Variants in MDGA2 observed in about 807,000 individuals in gnomAD.
MDGA2 encodes MAM domain-containing glycosylphosphatidylinositol anchor protein 2.
A neutral mutation model predicts 117.8 loss-of-function variants in MDGA2; 40 were observed. The ratio of observed to expected loss-of-function variants is 0.34; its 90% CI spans 0.26 to 0.44. The LOEUF is 0.44. Among genes scored for constraint, MDGA2 ranks in the 20% least tolerant of loss-of-function variants. The probability of loss-of-function intolerance (pLI) is 1.00; values close to 1 mark genes in which losing one functional copy is unlikely to be tolerated. For missense variants in MDGA2, 1,123 were observed against 1,250.6 expected (o/e 0.90, Z 1.54); for synonymous variants, 452 against 439.0 (o/e 1.03, Z -0.37).
At chr14:47,094,662 C>T (rs1424573404) in intron 6 of MDGA2, among the ~76,000 whole-genome samples, 1 of 151,974 alleles carries the variant, frequency 6.6e-6, no homozygotes, top group Non-Finnish European at 1.5e-5. Flanking sequence ...TGTTGCAGTA[C>T]TTTAATATTA....
At chr14:46,945,850 A>G (rs1461532131) in intron 9 of MDGA2, among the ~76,000 whole-genome samples, 1 of 152,074 alleles carries the variant, frequency 6.6e-6, no homozygotes, top group African/African-American at 2.4e-5. Context: ...CGTTTGTAGT[A>G]GAAAGGCTGG....
chr14:47,020,586 G>A (rs1016311524), intron 8 of MDGA2, among the ~76,000 whole-genome samples: 1 of 134,130 alleles, frequency 7.5e-6, no homozygotes, highest in Non-Finnish European at 1.7e-5. Context: ...GAGGAAGAGA[G>A]GAAAGAGAGA....
At chr14:46,957,263 G>T (rs1441955424) in intron 9 of MDGA2, 111 bp downstream of exon 9, 40 of 1,076,840 alleles carry the variant, frequency 3.7e-5, no homozygotes, top group Non-Finnish European at 5.1e-5. Flanking sequence ...GAGTCAAGCT[G>T]TTCTATGCTC....
At chr14:47,015,607 C>T (rs1888056548) in intron 8 of MDGA2, among the ~76,000 whole-genome samples, 1 of 151,896 alleles carries the variant, frequency 6.6e-6, no homozygotes, top group South Asian at 2.1e-4. Context: ...TAAGTTGTGC[C>T]AATAATCCAA....
intron 9 of MDGA2, among the ~76,000 whole-genome samples, chr14:46,944,114 C>T (rs1885089303): frequency 6.6e-6 from 1 of 151,930 alleles, no homozygotes. Context: ...TAGCCTTTCC[C>T]TTAAGTATAA....
intron 8 of MDGA2, among the ~76,000 whole-genome samples, chr14:46,982,870 TC>T (rs1433742183): frequency 6.6e-6 from 1 of 152,074 alleles, no homozygotes; most frequent in Admixed American, 6.6e-5. Flanking sequence ...AGAGAGGGCA[TC>T]CGTGTCTTGT....
intron 1 of MDGA2, among the ~76,000 whole-genome samples, chr14:47,390,401 C>T (rs1279879365): frequency 6.6e-6 from 1 of 152,084 alleles, no homozygotes; most frequent in African/African-American, 2.4e-5. Context: ...AGGAGCCTAA[C>T]TTTGGCTGGT....
At chr14:47,263,920 A>G (rs759406362) in intron 2 of MDGA2, among the ~76,000 whole-genome samples, 2 of 152,184 alleles carry the variant, frequency 1.3e-5, no homozygotes, top group Non-Finnish European at 2.9e-5. Context: ...CCAACCTGTG[A>G]CCACACTTAC....
At chr14:47,348,567 A>G (rs1890812170) in intron 1 of MDGA2, among the ~76,000 whole-genome samples, 1 of 152,182 alleles carries the variant, frequency 6.6e-6, no homozygotes, top group Non-Finnish European at 1.5e-5. Context: ...ATTAAATATA[A>G]TTGCTTGAGA....
intron 10 of MDGA2, among the ~76,000 whole-genome samples, chr14:46,909,038 T>C (rs996895211): frequency 2.0e-5 from 3 of 152,178 alleles, no homozygotes; most frequent in African/African-American, 7.2e-5. Flanking sequence ...TTGCATAGCA[T>C]TAATTGCTTT....
In MDGA2 at chr14:47,607,379, C is replaced by A. The variant is rs1429658479; in HGVS notation, c.280+67138G>T. On this transcript the variant is annotated intron_variant, in intron 1 of 16. Coordinates refer to ENST00000399232, the MANE Select transcript of MDGA2 (RefSeq NM_001113498.3). Reference sequence around the variant, plus strand: ...ACCTTGTTCATCCACTTATTTTTCACCTTTCTTGAATTTTACTGCAGCTAA... The same window carrying A: ...ACCTTGTTCATCCACTTATTTTTCAACTTTCTTGAATTTTACTGCAGCTAA... Among the ~76,000 whole-genome samples, 2 of 152,068 alleles carry A rather than the reference C, an allele frequency of 1.3e-5. 1 individual carries two copies.
intron 1 of MDGA2, among the ~76,000 whole-genome samples, chr14:47,549,691 G>T (rs1410778347): frequency 6.6e-6 from 1 of 152,070 alleles, no homozygotes; most frequent in African/African-American, 2.4e-5. Context: ...AGGTAATAAG[G>T]GTGAAGAGCC....
intron 10 of MDGA2, among the ~76,000 whole-genome samples, chr14:46,911,777 C>G (rs765225225): frequency 1.3e-5 from 2 of 152,124 alleles, no homozygotes; most frequent in Non-Finnish European, 2.9e-5. Flanking sequence ...GCCCCAAACA[C>G]TTATAATATT....
At chr14:46,982,581 T>C (rs1408051809) in intron 8 of MDGA2, among the ~76,000 whole-genome samples, 2 of 151,280 alleles carry the variant, frequency 1.3e-5, no homozygotes, top group African/African-American at 4.9e-5. Flanking sequence ...TGGTGGCACA[T>C]GCTTGTAATT....
At chr14:47,304,572 G>C (rs1190953386) in intron 1 of MDGA2, among the ~76,000 whole-genome samples, 2 of 152,074 alleles carry the variant, frequency 1.3e-5, no homozygotes, top group Non-Finnish European at 2.9e-5. Flanking sequence ...TGTTGTCCCA[G>C]TTCATCATCC....
At chr14:47,063,951 G>A (rs1256124646) in intron 6 of MDGA2, among the ~76,000 whole-genome samples, 1 of 151,814 alleles carries the variant, frequency 6.6e-6, no homozygotes, top group Non-Finnish European at 1.5e-5. Context: ...AAGTGATATT[G>A]AGAGAACTGC....
rs537902239 is a variant in MDGA2, at chr14:47,178,112, T to C, written c.596-33838A>G. ...ATTGTAGATTCATAATCCAAAAATA[T>C]AGTCAAGGACAGCTCCATTTTGATA... On this transcript the variant is annotated intron_variant, in intron 3 of 16. Coordinates refer to ENST00000399232, the MANE Select transcript of MDGA2 (RefSeq NM_001113498.3). Among the ~76,000 whole-genome samples, 14 of 152,228 alleles carry C rather than the reference T, an allele frequency of 9.2e-5. No individual in the cohort carries two copies. The South Asian group carries it at 2.3e-3, about 25-fold the overall frequency.
At chr14:47,185,720 C>T (rs1290979431) in intron 3 of MDGA2, among the ~76,000 whole-genome samples, 2 of 151,518 alleles carry the variant, frequency 1.3e-5, no homozygotes, top group Non-Finnish European at 3.0e-5. Context: ...GGACTTTTAG[C>T]TAATCTAATT....
intron 8 of MDGA2, among the ~76,000 whole-genome samples, chr14:47,033,361 G>T (rs1888729978): frequency 6.6e-6 from 1 of 152,158 alleles, no homozygotes; most frequent in Non-Finnish European, 1.5e-5. Context: ...AGTGAGCAGA[G>T]TGAAAACTGA....
Sources: gnomAD v4.1 joint callset for allele counts (sites outside exome capture counted in the v4.1 genomes callset) on GRCh38, gnomAD v4.1.1 for gene constraint, MANE v1.5 for transcripts, NCBI Gene and HGNC (gene_info 2026-07-23, HGNC 2026-07-21) for gene names.